GPC6: variants seen among roughly 807,000 people sequenced by gnomAD.
GPC6 encodes glypican 6, also known as glypican-6.
Under a neutral mutation model 55.2 loss-of-function variants are expected in GPC6, and 14 were observed. That is an observed-to-expected ratio of 0.25 (90% confidence interval 0.17 to 0.40). The LOEUF (loss-of-function observed/expected upper bound fraction) is 0.40, where lower values mean the gene tolerates loss of function less well. GPC6 is among the 10% of genes least tolerant of loss of function. The probability of loss-of-function intolerance (pLI) is 1.00; values close to 1 mark genes in which losing one functional copy is unlikely to be tolerated. For missense variants in GPC6, 641 were observed against 708.5 expected (o/e 0.90, Z 1.08); for synonymous variants, 278 against 259.6 (o/e 1.07, Z -0.68).
At chr13:94,160,515 C>G (rs1178507061) in intron 4 of GPC6, among the ~76,000 whole-genome samples, 1 of 152,210 alleles carries the variant, frequency 6.6e-6, no homozygotes, top group Non-Finnish European at 1.5e-5. Flanking sequence ...AGATGGCAAC[C>G]ACAGGATATT....
rs535533345 is a variant in GPC6, at chr13:94,373,111, A to G, written c.1153-9303A>G. ...AAAGTAGATAAAACCACAAAAATGG[A>G]GAAAAAACAGAACAGAAAAACTGGA... is the stretch of plus-strand genomic sequence containing the variant. On this transcript the variant is annotated intron_variant, in intron 6 of 8. Coordinates refer to ENST00000377047, the MANE Select transcript of GPC6 (RefSeq NM_005708.5). Among the ~76,000 whole-genome samples the G allele has an allele frequency of 4.2e-3, 632 of 152,262 alleles. 1 individual carries two copies. Among genetic ancestry groups the G allele is most frequent in the Non-Finnish European group, 5.6e-3 (383 of 67,990 alleles).
intron 4 of GPC6, among the ~76,000 whole-genome samples, chr13:94,244,711 G>A (rs1343294162): frequency 6.6e-6 from 1 of 152,072 alleles, no homozygotes; most frequent in Non-Finnish European, 1.5e-5. Flanking sequence ...GTCATTGACA[G>A]TTTTAAGTGA....
intron 3 of GPC6, among the ~76,000 whole-genome samples, chr13:93,833,107 TAGAGAGAGAGAGAGAGAGAGAGAG>T (rs367949345): frequency 2.2e-4 from 24 of 109,072 alleles, no homozygotes; most frequent in South Asian, 1.8e-3. Flanking sequence ...AGGTAGATGA[TAGAGAGAGAGAGAGAGAGAGAGAG>T]AGAGAGAGAG....
At chr13:94,202,643 C>T (rs1889789301) in intron 4 of GPC6, among the ~76,000 whole-genome samples, 2 of 152,124 alleles carry the variant, frequency 1.3e-5, no homozygotes, top group Admixed American at 1.3e-4. Context: ...GGAGACACAG[C>T]TGAACCATAT....
At chr13:93,673,860 G>A (rs951693114) in intron 2 of GPC6, among the ~76,000 whole-genome samples, 3 of 152,070 alleles carry the variant, frequency 2.0e-5, no homozygotes, top group South Asian at 2.1e-4. Context: ...CCTCACACAT[G>A]AGAGATTTGA....
chr13:93,430,259 A>G (rs1439843941), intron 1 of GPC6, among the ~76,000 whole-genome samples: 2 of 152,182 alleles, frequency 1.3e-5, no homozygotes, highest in Non-Finnish European at 2.9e-5. Context: ...CTTAACCTGA[A>G]GCAAAAAGCA....
intron 4 of GPC6, among the ~76,000 whole-genome samples, chr13:94,134,925 G>C (rs1340156827): frequency 6.6e-6 from 1 of 152,140 alleles, no homozygotes; most frequent in Non-Finnish European, 1.5e-5. Flanking sequence ...GTTTAAGTTA[G>C]CAATTAAAGT....
chr13:94,351,457 G>A (rs749294597), intron 6 of GPC6, among the ~76,000 whole-genome samples: 2 of 152,078 alleles, frequency 1.3e-5, no homozygotes, highest in Non-Finnish European at 2.9e-5. Flanking sequence ...GAAAAACAAA[G>A]CAATAGGAAA....
At chr13:93,485,790 G>A (rs1879684859) in intron 1 of GPC6, among the ~76,000 whole-genome samples, 1 of 152,122 alleles carries the variant, frequency 6.6e-6, no homozygotes, top group Non-Finnish European at 1.5e-5. Flanking sequence ...TGTTGTACCT[G>A]TCAGGTTTGA....
chr13:94,243,023 A>G (rs1891099869), intron 4 of GPC6, among the ~76,000 whole-genome samples: 1 of 152,062 alleles, frequency 6.6e-6, no homozygotes. Context: ...TCAGAGGATT[A>G]TATATCCAAG....
chr13:94,256,058 GT>G (rs954238527), intron 4 of GPC6, among the ~76,000 whole-genome samples: 2 of 151,848 alleles, frequency 1.3e-5, no homozygotes, highest in African/African-American at 4.8e-5. Context: ...CAAAATCAAA[GT>G]GGAAAAAAAA....
intron 2 of GPC6, among the ~76,000 whole-genome samples, chr13:93,823,906 A>G (rs1036971967): frequency 6.6e-6 from 1 of 152,186 alleles, no homozygotes; most frequent in South Asian, 2.1e-4. Flanking sequence ...ATACACCTAC[A>G]CACATTCAGA....
At chr13:94,080,900 A>AG (rs1411882855) in intron 4 of GPC6, among the ~76,000 whole-genome samples, 24 of 152,334 alleles carry the variant, frequency 1.6e-4, no homozygotes, top group Non-Finnish European at 3.4e-4. Context: ...TTCATACCAA[A>AG]GGGGAAGTAT....
rs566284653 is a variant in GPC6 at position 93,289,407 on chromosome 13, A to G, written c.160+61791A>G. On this transcript the variant is annotated intron_variant, in intron 1 of 8. Coordinates refer to ENST00000377047, the MANE Select transcript of GPC6 (RefSeq NM_005708.5). ...CTGGAAATATGATGTCCTCAAATTG[A>G]TTATTTTTTGGTACACTGAAAGACA... is the stretch of plus-strand genomic sequence containing the variant. Among the ~76,000 whole-genome samples, 73 of 152,294 alleles carry G rather than the reference A, an allele frequency of 4.8e-4. 1 individual carries two copies. Among genetic ancestry groups the G allele is most frequent in the African/African-American group, 1.3e-3 (56 of 41,568 alleles).
chr13:93,257,411 A>T (rs1409909504), intron 1 of GPC6, among the ~76,000 whole-genome samples: 1 of 152,246 alleles, frequency 6.6e-6, no homozygotes, highest in East Asian at 1.9e-4. Context: ...CGTTATAGCA[A>T]AAGTATCAGA....
chr13:94,388,779 G>A (rs916533421), intron 7 of GPC6, among the ~76,000 whole-genome samples: 3 of 152,096 alleles, frequency 2.0e-5, no homozygotes, highest in Non-Finnish European at 4.4e-5. Context: ...TCTTATAAGG[G>A]AGCTAGTATG....
intron 4 of GPC6, among the ~76,000 whole-genome samples, chr13:94,193,445 T>A (rs963945800): frequency 6.6e-6 from 1 of 152,188 alleles, no homozygotes. Context: ...TATCCTCTGC[T>A]TTGAATGGTT....
intron 1 of GPC6, among the ~76,000 whole-genome samples, chr13:93,299,112 C>T (rs975825410): frequency 6.6e-6 from 1 of 152,110 alleles, no homozygotes; most frequent in Non-Finnish European, 1.5e-5. Context: ...CCACTACTCT[C>T]CATAAAATTC....
chr13:93,352,911 G>T (rs548824590), intron 1 of GPC6, among the ~76,000 whole-genome samples: 39 of 152,142 alleles, frequency 2.6e-4, no homozygotes, highest in Non-Finnish European at 5.1e-4. Context: ...GCGCTTGCAG[G>T]AGTCTCTAGC....
Sources: allele counts gnomAD v4.1 joint callset (sites outside exome capture counted in the v4.1 genomes callset), GRCh38; gene constraint gnomAD v4.1.1; transcripts MANE v1.5; gene names NCBI Gene and HGNC (gene_info 2026-07-23, HGNC 2026-07-21).